PTPN3: variants seen among roughly 807,000 people sequenced by gnomAD.
PTPN3 encodes the protein tyrosine-protein phosphatase non-receptor type 3.
PTPN3 carries 96 observed loss-of-function variants against 132.7 expected under a neutral mutation model. That is an observed-to-expected ratio of 0.72 (90% confidence interval 0.61 to 0.86). PTPN3 has a LOEUF of 0.86. PTPN3 is among the 40% of genes least tolerant of loss of function. PTPN3 has a pLI of 0.00. For missense variants in PTPN3, 1,125 were observed against 1,159.6 expected (o/e 0.97, Z 0.43); for synonymous variants, 398 against 429.0 (o/e 0.93, Z 0.89).
At chr9:109,507,048 G>A in the PTPN3 span, among the ~76,000 whole-genome samples, 2 of 152,168 alleles carry the variant, frequency 1.3e-5, no homozygotes, top group African/African-American at 2.4e-5. Context: ...CAAGTGCAAA[G>A]CCCAGGTTTC....
At chr9:109,474,404 G>A (rs746874955) in intron 1 of PTPN3, among the ~76,000 whole-genome samples, 44 of 152,128 alleles carry the variant, frequency 2.9e-4, no homozygotes, top group African/African-American at 6.8e-4. Flanking sequence ...ACTCTGTGCC[G>A]TCTCTGCGCC....
chr9:109,445,028 T>C (rs1177434410), intron 7 of PTPN3, among the ~76,000 whole-genome samples: 3 of 152,270 alleles, frequency 2.0e-5, no homozygotes, highest in African/African-American at 7.2e-5. Flanking sequence ...CATTCATTCC[T>C]TTCCCCTTAA....
At chr9:109,460,703 A>G (rs2132040147) in intron 2 of PTPN3, among the ~76,000 whole-genome samples, 1 of 152,176 alleles carries the variant, frequency 6.6e-6, no homozygotes, top group African/African-American at 2.4e-5. Context: ...ACGTCTATAC[A>G]ATGGTAACCT....
chr9:109,497,603 CG>C (rs763906887), intron 1 of PTPN3, among the ~76,000 whole-genome samples: 1 of 152,086 alleles, frequency 6.6e-6, no homozygotes, highest in Non-Finnish European at 1.5e-5. Flanking sequence ...ATGGGAATTT[CG>C]GGGGGGCTGG....
chr9:109,402,438 C>T (rs1398063632), intron 19 of PTPN3, among the ~76,000 whole-genome samples: 1 of 152,108 alleles, frequency 6.6e-6, no homozygotes, highest in Non-Finnish European at 1.5e-5. Flanking sequence ...GCCACCCCGC[C>T]TGGCTGATTT....
chr9:109,437,006 A>G, intron 8 of PTPN3, 36 bp from the exon 9 acceptor site: 9 of 1,611,954 alleles, frequency 5.6e-6, no homozygotes, highest in Non-Finnish European at 7.6e-6. Context: ...AGTTCATCCA[A>G]TAAAGAGAGG....
chr9:109,509,937 G>A, the PTPN3 span, among the ~76,000 whole-genome samples: 1 of 152,126 alleles, frequency 6.6e-6, no homozygotes, highest in African/African-American at 2.4e-5. Flanking sequence ...TTCTGGTAAA[G>A]TCACTGAAAA....
In PTPN3 at chr9:109,472,816, C is replaced by T. The variant is rs189240897; in HGVS notation, c.-17-9365G>A. ...AATTAGGTTTTAATGTAAACATAAT[C>T]GTGACTGAATACTTGCTAAACTAGA... On this transcript the variant is annotated intron_variant, in intron 1 of 25. Transcript: ENST00000374541. Among the ~76,000 whole-genome samples, 10 of 152,292 alleles carry T rather than the reference C, an allele frequency of 6.6e-5. No homozygotes were observed. The East Asian group carries it at 9.6e-4, about 15-fold the overall frequency.
upstream of PTPN3, among the ~76,000 whole-genome samples, chr9:109,502,888 A>G (rs982338152): frequency 2.0e-5 from 3 of 152,202 alleles, no homozygotes; most frequent in Non-Finnish European, 1.5e-5. Context: ...CATAGAACAA[A>G]AACTAGAAAA....
rs775131492 is a variant in PTPN3, at chr9:109,454,479, TA to T, written c.368+16del. On this transcript the variant is annotated intron_variant, in intron 5 of 25. Coordinates refer to ENST00000374541, the MANE Select transcript of PTPN3 (RefSeq NM_002829.4). Reference sequence around the variant, plus strand: ...TTTTTATACACTAAACAGAAAACTTTAAAAAAATGTTGTTACCTGGTTTGTT... The same window carrying T: ...TTTTTATACACTAAACAGAAAACTTTAAAAAATGTTGTTACCTGGTTTGTT... The T allele has an allele frequency of 2.5e-6, 4 of 1,603,116 alleles. No individual in the cohort carries two copies. Among genetic ancestry groups the T allele is most frequent in the Middle Eastern group, 2.1e-4 (1 of 4,842 alleles).
chr9:109,471,132 C>A (rs1391863921), intron 1 of PTPN3, among the ~76,000 whole-genome samples: 4 of 151,854 alleles, frequency 2.6e-5, no homozygotes, highest in Non-Finnish European at 5.9e-5. Context: ...TCTCAGCTCA[C>A]TGCAACCTCC....
intron 19 of PTPN3, among the ~76,000 whole-genome samples, chr9:109,401,968 G>T (rs1841152539): frequency 1.3e-5 from 2 of 152,080 alleles, no homozygotes; most frequent in South Asian, 4.2e-4. Context: ...AGCTGTTTCT[G>T]GGACACATGA....
intron 22 of PTPN3, among the ~76,000 whole-genome samples, chr9:109,385,965 A>C (rs1839549409): frequency 6.6e-6 from 1 of 152,238 alleles, no homozygotes; most frequent in Admixed American, 6.5e-5. Flanking sequence ...GGACCAGAGG[A>C]AACAAGCCAC....
rs541440977 is a variant in PTPN3 at position 109,452,212 on chromosome 9, G to A, written c.368+2284C>T. On this transcript the variant is annotated intron_variant, in intron 5 of 25. Transcript: ENST00000374541. ...GAACCCGGGAGGCCGAGGTTACAGT[G>A]AGCTGAGAGCGCGCCACTGCACTCC... Among the ~76,000 whole-genome samples, 19 of 143,914 alleles carry A rather than the reference G, an allele frequency of 1.3e-4. 1 individual carries two copies. In the South Asian group the frequency reaches 4.2e-3, roughly 32 times the overall value. The allele number at this position is 143,914 out of a possible 152,430, so 94.4% of individuals were successfully genotyped here.
At chr9:109,382,237 A>G in intron 24 of PTPN3, 65 bp downstream of exon 24, 20 of 1,558,176 alleles carry the variant, frequency 1.3e-5, no homozygotes, top group Non-Finnish European at 1.8e-5. Flanking sequence ...GCGCCTGCCA[A>G]TTGTCTCCAG....
At chr9:109,536,371 G>C in the PTPN3 span, among the ~76,000 whole-genome samples, 1 of 152,164 alleles carries the variant, frequency 6.6e-6, no homozygotes, top group Non-Finnish European at 1.5e-5. Flanking sequence ...CCTACAAATG[G>C]AGTTGCTGGG....
rs372861424 is a variant in PTPN3 at position 109,447,262 on chromosome 9, C to T, written c.413+1549G>A. Among the ~76,000 whole-genome samples, 51 of 152,182 alleles carry T rather than the reference C, an allele frequency of 3.4e-4. No homozygotes were observed. In the East Asian group the frequency reaches 6.4e-3, roughly 19 times the overall value. ...CAAGGCCCTGGCCTTATTTGACCAG[C>T]GTAGTTCGGTGCCTGTCTCATAAAA... On this transcript the variant is annotated intron_variant, in intron 6 of 25. Coordinates refer to ENST00000374541, the MANE Select transcript of PTPN3 (RefSeq NM_002829.4).
intron 16 of PTPN3, among the ~76,000 whole-genome samples, 163 bp downstream of exon 16, chr9:109,409,836 C>G (rs866529800): frequency 6.6e-6 from 1 of 151,982 alleles, no homozygotes; most frequent in Non-Finnish European, 1.5e-5. Flanking sequence ...CCCCAAATAT[C>G]TCAAACCAAA....
upstream of PTPN3, among the ~76,000 whole-genome samples, chr9:109,500,098 C>A (rs1847843294): frequency 6.6e-6 from 1 of 152,250 alleles, no homozygotes; most frequent in African/African-American, 2.4e-5. Context: ...GTGCTTCAAC[C>A]ATTGTGAATA....
Sources: allele counts gnomAD v4.1 joint callset (sites outside exome capture counted in the v4.1 genomes callset), GRCh38; gene constraint gnomAD v4.1.1; transcripts MANE v1.5; gene names NCBI Gene and HGNC (gene_info 2026-07-23, HGNC 2026-07-21).